The following KDM4B variants were observed in gnomAD, a reference collection of about 807,000 sequenced individuals.
KDM4B encodes the protein lysine-specific demethylase 4B.
A neutral mutation model predicts 125.2 loss-of-function variants in KDM4B; 32 were observed. That is an observed-to-expected ratio of 0.26 (90% CI 0.19 to 0.34). KDM4B has a LOEUF of 0.34. KDM4B is among the 10% of genes least tolerant of loss of function. KDM4B has a pLI of 1.00. For missense variants in KDM4B, 1,190 were observed against 1,577.7 expected, an observed-to-expected ratio of 0.75 and a Z score of 4.16; for synonymous variants, 721 against 677.9, an observed-to-expected ratio of 1.06 and a Z score of -0.99.
Position 5,132,003 on chromosome 19 carries a change from C to T in KDM4B, c.1902C>T (p.Asp634=), listed in dbSNP as rs777118233. Reference sequence around the variant, plus strand: ...TGGTGAAGCAGGAGGCCTCAAGTGACGAGGGTGAGTGGGGGGTCCCCAGGT... The same window carrying T: ...TGGTGAAGCAGGAGGCCTCAAGTGATGAGGGTGAGTGGGGGGTCCCCAGGT... The part of the protein sequence containing the change: ...LSVVKQEASS[D]EEASPFSGEE... Residue 634 remains aspartate, a synonymous_variant, in exon 13 of 23, where the codon GAC becomes GAT. Transcript: ENST00000159111. 19 of 1,605,762 alleles carry T rather than the reference C, an allele frequency of 1.2e-5. No individual in the cohort carries two copies. The highest frequency in any genetic ancestry group is 6.7e-5 in the South Asian group (6 of 90,128).
At chr19:5,017,997 C>T (rs1236441914) in intron 2 of KDM4B, among the ~76,000 whole-genome samples, 1 of 151,424 alleles carries the variant, frequency 6.6e-6, no homozygotes, top group Non-Finnish European at 1.5e-5. Context: ...CCTTGGCCTC[C>T]CAAAGTGCTG....
At chr19:5,048,951 G>C (rs979736975) in intron 6 of KDM4B, among the ~76,000 whole-genome samples, 1 of 152,320 alleles carries the variant, frequency 6.6e-6, no homozygotes, top group South Asian at 2.1e-4. Context: ...TGAGTCAGAC[G>C]TGAGGACTTC....
rs2037932568 is a variant in KDM4B, at chr19:5,071,067, C to T, written c.676+8C>T. On this transcript the variant is annotated splice_region_variant and intron_variant, in intron 7 of 22. Coordinates refer to ENST00000159111, the MANE Select transcript of KDM4B (RefSeq NM_015015.3). The stretch of plus-strand genomic sequence containing the variant: ...TGGAGCGGCTGGCCATCGGTAGGTG[C>T]CTGCCCTGAGGGCCCCAGGGACCTG... 6.2e-7 allele frequency: 1 copy of T among 1,612,504 alleles called. No individual in the cohort carries two copies. The highest frequency in any genetic ancestry group is 1.7e-5 in the Admixed American group (1 of 59,984).
intron 13 of KDM4B, 82 bp from the exon 14 acceptor site, chr19:5,133,801 C>A: frequency 6.8e-7 from 1 of 1,460,804 alleles, no homozygotes. Context: ...CCGGGGCCAT[C>A]CCCTGGGCAG....
chr19:5,080,887 G>T (rs1159847335), intron 8 of KDM4B: 1 of 152,238 alleles, frequency 6.6e-6, no homozygotes, highest in Non-Finnish European at 1.5e-5. Context: ...CGGTCGCCTG[G>T]TGCACAGGAC....
intron 22 of KDM4B, 25 bp downstream of exon 22, chr19:5,150,475 G>A (rs1268263765): frequency 6.6e-6 from 10 of 1,523,728 alleles, no homozygotes; most frequent in Admixed American, 3.9e-5. Context: ...CTGGCCTGGT[G>A]GCTCCGGGTG....
At chr19:4,979,207 C>G (rs2034556035) in intron 1 of KDM4B, among the ~76,000 whole-genome samples, 1 of 152,114 alleles carries the variant, frequency 6.6e-6, no homozygotes, top group Admixed American at 6.6e-5. Flanking sequence ...TGCTTGAGCC[C>G]AGGAGTTTGA....
intron 10 of KDM4B, among the ~76,000 whole-genome samples, chr19:5,118,418 C>T (rs773692945): frequency 1.4e-4 from 21 of 152,170 alleles, no homozygotes; most frequent in Admixed American, 3.3e-4. Context: ...CCGGGCTGTG[C>T]GGCCTCGAGC....
intron 1 of KDM4B, among the ~76,000 whole-genome samples, chr19:4,980,417 CTTTCTT>C (rs1240761406): frequency 2.3e-5 from 3 of 132,446 alleles, no homozygotes; most frequent in Non-Finnish European, 3.2e-5. Context: ...TGTCCCTTTT[CTTTCTT>C]TTTTTTTTTT....
chr19:5,079,255 G>A (rs568894828), intron 8 of KDM4B: 4 of 152,278 alleles, frequency 2.6e-5, no homozygotes, highest in African/African-American at 9.6e-5. Context: ...GTCTGGGGCC[G>A]CGTCCTGTCA....
At chr19:5,086,830 C>T (rs12976154) in intron 9 of KDM4B, among the ~76,000 whole-genome samples, 10,316 of 152,368 alleles carry the variant, frequency 0.068, 440 homozygotes, top group Middle Eastern at 0.14. Flanking sequence ...GCCTGCGGAG[C>T]ATCCCTGGCT....
intron 15 of KDM4B, among the ~76,000 whole-genome samples, 166 bp downstream of exon 15, chr19:5,135,727 T>C (rs1348728628): frequency 6.6e-6 from 1 of 152,180 alleles, no homozygotes; most frequent in African/African-American, 2.4e-5. Flanking sequence ...TTCCTGCAAT[T>C]TCTGACTTTC....
At position 5,058,730 on chromosome 19, in the gene KDM4B, G is replaced by A. The variant is rs142271426; in HGVS notation, c.626+11061G>A. Among the ~76,000 whole-genome samples the A allele has an allele frequency of 2.0e-3, 312 of 152,298 alleles. 2 individuals are homozygous for A. The highest frequency in any genetic ancestry group is 7.3e-3 in the African/African-American group (305 of 41,552). On this transcript the variant is annotated intron_variant, in intron 6 of 22. Coordinates refer to ENST00000159111, the MANE Select transcript of KDM4B (RefSeq NM_015015.3). ...GGCAGGAGCAGATGGCCTTCATTTT[G>A]GAGTCTTTTGTTCAAAGCGGGCGCT...
intron 6 of KDM4B, among the ~76,000 whole-genome samples, chr19:5,070,257 C>A (rs972092076): frequency 6.6e-6 from 1 of 152,160 alleles, no homozygotes; most frequent in East Asian, 1.9e-4. Context: ...CCCGTTGGCA[C>A]TGGGGCTTCT....
intron 6 of KDM4B, among the ~76,000 whole-genome samples, chr19:5,064,544 C>T (rs1253414975): frequency 6.6e-6 from 1 of 152,166 alleles, no homozygotes; most frequent in South Asian, 2.1e-4. Flanking sequence ...AGCTGTCAGG[C>T]TGGGCCGTGG....
chr19:5,012,254 A>G (rs1263494819), intron 1 of KDM4B, among the ~76,000 whole-genome samples: 1 of 152,052 alleles, frequency 6.6e-6, no homozygotes, highest in Non-Finnish European at 1.5e-5. Context: ...TTTTAGATTT[A>G]CAGAGAATTT....
intron 1 of KDM4B, among the ~76,000 whole-genome samples, chr19:5,002,712 G>A (rs998202847): frequency 6.6e-6 from 1 of 151,918 alleles, no homozygotes; most frequent in African/African-American, 2.4e-5. Flanking sequence ...TGTAGTCCCC[G>A]GACTGTGGGA....
intron 7 of KDM4B, among the ~76,000 whole-genome samples, chr19:5,071,311 T>G (rs1039462410): frequency 6.6e-6 from 1 of 152,242 alleles, no homozygotes; most frequent in Non-Finnish European, 1.5e-5. Context: ...GCTCCTGTTT[T>G]CCAGTTTTCT....
In KDM4B at chr19:5,142,512, G is replaced by T. The variant is rs2039763508; in HGVS notation, c.2551-1455G>T. Among the ~76,000 whole-genome samples, 1 of 152,186 alleles carries T rather than the reference G, an allele frequency of 6.6e-6. No individual in the cohort carries two copies. The highest frequency in any genetic ancestry group is 2.4e-5 in the African/African-American group (1 of 41,456). ...ATGGGCTGCCTGCTACCACGAGGCGGAAGGGGATGGTGCTGGGCACCAGCC... is the reference window on the plus strand; with the variant it reads ...ATGGGCTGCCTGCTACCACGAGGCGTAAGGGGATGGTGCTGGGCACCAGCC... On this transcript the variant is annotated intron_variant, in intron 18 of 22. Coordinates refer to ENST00000159111, the MANE Select transcript of KDM4B (RefSeq NM_015015.3). This position sits in a 1 kb window ranked among gnomAD's most constrained non-coding sequence, Gnocchi z 5.4.
Sources: gnomAD v4.1 joint callset for allele counts (sites outside exome capture counted in the v4.1 genomes callset) on GRCh38, gnomAD v4.1.1 for gene constraint, Gnocchi (gnomAD v3.1) non-coding constraint, MANE v1.5 for transcripts, NCBI Gene and HGNC (gene_info 2026-07-23, HGNC 2026-07-21) for gene names.